HDLBP: variants seen among roughly 807,000 people sequenced by gnomAD.
HDLBP encodes high density lipoprotein binding protein.
In HDLBP, 30 loss-of-function variants were observed where a neutral mutation model predicts 137.3. That is an observed-to-expected ratio of 0.22 (90% CI 0.16 to 0.30). HDLBP has a LOEUF of 0.30. Among genes scored for constraint, HDLBP ranks in the 10% least tolerant of loss-of-function variants. The pLI, the probability that HDLBP is intolerant of heterozygous loss-of-function variation, is 1.00. For missense variants in HDLBP, 1,119 were observed against 1,667.3 expected (o/e 0.67, Z 5.73); for synonymous variants, 606 against 596.0 (o/e 1.02, Z -0.24).
At position 241,230,119 on chromosome 2, in the gene HDLBP, G is replaced by A. The variant is rs375687289; in HGVS notation, c.3591+34C>T. The stretch of plus-strand genomic sequence containing the variant: ...GCCTCAGGCCGGTGGACGTGCCAGG[G>A]CGCCTCAGGGCTCCAAGGCCCACAG... On this transcript the variant is annotated intron_variant, in intron 26 of 27. Coordinates refer to ENST00000310931, the MANE Select transcript of HDLBP (RefSeq NM_005336.6). The surrounding 1 kb of genome is among the most constrained non-coding windows in gnomAD (Gnocchi z 5.0). 4 of 1,591,984 alleles carry A rather than the reference G, an allele frequency of 2.5e-6. No homozygotes were observed. Among genetic ancestry groups the A allele is most frequent in the African/African-American group, 1.3e-5 (1 of 74,470 alleles).
intron 1 of HDLBP, among the ~76,000 whole-genome samples, chr2:241,306,010 T>C (rs1211218972): frequency 6.6e-6 from 1 of 152,104 alleles, no homozygotes; most frequent in African/African-American, 2.4e-5. Context: ...TCCACCCACC[T>C]CAGCCTCCCA....
rs1427700734 is a variant in HDLBP, at chr2:241,272,950, C to G, written c.-102-4409G>C. The G allele has an allele frequency of 1.1e-6, 1 of 911,730 alleles. No homozygotes were observed. The highest frequency in any genetic ancestry group is 1.3e-6 in the Non-Finnish European group (1 of 762,460). 56.5% of individuals were successfully genotyped at this position (911,730 alleles called of 1,614,324 possible). A position where few individuals can be genotyped will look rare whatever the true frequency, so the allele number is the denominator to read the frequency against. On this transcript the variant is annotated intron_variant, in intron 1 of 27. Transcript: ENST00000310931. The surrounding 1 kb of genome is among the most constrained non-coding windows in gnomAD (Gnocchi z 5.6). The stretch of plus-strand genomic sequence containing the variant: ...CCGCCGCCCCGGGCCGCCCAGCACC[C>G]GGGAGGCCCACCCAACTGCAGGCGT...
chr2:241,285,212 T>C (rs974663450), intron 1 of HDLBP, among the ~76,000 whole-genome samples: 2 of 152,212 alleles, frequency 1.3e-5, no homozygotes, highest in East Asian at 3.8e-4. Flanking sequence ...GTATATACCA[T>C]TGTTTTTCTA....
At chr2:241,306,187 T>C (rs1279815863) in intron 1 of HDLBP, among the ~76,000 whole-genome samples, 3 of 151,828 alleles carry the variant, frequency 2.0e-5, no homozygotes, top group African/African-American at 7.3e-5. Context: ...ACTGAATTTC[T>C]GATAAACTGA....
intron 1 of HDLBP, among the ~76,000 whole-genome samples, chr2:241,307,666 T>A (rs1209803569): frequency 6.6e-6 from 1 of 152,236 alleles, no homozygotes; most frequent in Non-Finnish European, 1.5e-5. Flanking sequence ...TTAATTATAC[T>A]TTAATTATAA....
rs1422723928 is a variant in HDLBP at position 241,227,294 on chromosome 2, G to C, written c.*2307C>G. On this transcript the variant is annotated 3_prime_UTR_variant, in exon 28 of 28. Coordinates refer to ENST00000310931, the MANE Select transcript of HDLBP (RefSeq NM_005336.6). ...AAATGAGTCCCAGCATGCTACATCT[G>C]GTTTCGGGTTTTATTTTAGAATTTA... The C allele has an allele frequency of 6.6e-6, 1 of 152,502 alleles. No homozygotes were observed. The highest frequency in any genetic ancestry group is 2.4e-5 in the African/African-American group (1 of 41,450). 9.4% of individuals were successfully genotyped at this position (152,502 alleles called of 1,614,324 possible). A position where few individuals can be genotyped will look rare whatever the true frequency, so the allele number is the denominator to read the frequency against.
chr2:241,273,735 CAGCCT>C (rs1333377948), intron 1 of HDLBP: 55 of 897,366 alleles, frequency 6.1e-5, no homozygotes, highest in Non-Finnish European at 1.2e-5. Flanking sequence ...GGGGCACACC[CAGCCT>C]TACCCAGGGA....
chr2:241,280,221 TA>T, intron 1 of HDLBP: 1 of 618,894 alleles, frequency 1.6e-6, no homozygotes, highest in Non-Finnish European at 2.0e-6. Flanking sequence ...ATGTGGCTCA[TA>T]TTACATTTTT....
At chr2:241,266,226 CT>C (rs986490075) in intron 3 of HDLBP, among the ~76,000 whole-genome samples, 6 of 151,950 alleles carry the variant, frequency 3.9e-5, no homozygotes, top group African/African-American at 4.8e-5. Context: ...GGTTCCCCCC[CT>C]TTTTTTTACA....
chr2:241,256,712 G>A lies in HDLBP; in HGVS notation c.545C>T (p.Thr182Ile). The change falls in exon 6 of 28, where the codon ACC becomes ATC. Residue 182 changes from threonine (T) to isoleucine (I), a missense_variant. By Grantham distance (89) the Thr-to-Ile change is moderately conservative. This residue lies in a region of HDLBP where 425 missense variants were observed against 693.9 expected (regional missense o/e 0.61). Transcript: ENST00000310931. The part of the protein sequence containing the change: ...KLQDLELKTA[T>I]KIQIPRPDDP... ...ATCTGGGCGTGGGATCTGGATTTTG[G>A]TTGCAGTTTTTAGCTCCAAGTCTTG... 6.2e-7 allele frequency: 1 copy of A among 1,614,180 alleles called. No homozygotes were observed. Among genetic ancestry groups the A allele is most frequent in the Non-Finnish European group, 8.5e-7 (1 of 1,180,032 alleles).
intron 1 of HDLBP, among the ~76,000 whole-genome samples, chr2:241,294,995 G>A (rs942592492): frequency 2.0e-5 from 3 of 152,050 alleles, no homozygotes; most frequent in South Asian, 2.1e-4. Flanking sequence ...CCAGCTACTC[G>A]GGAGGCTGAG....
intron 3 of HDLBP, 49 bp downstream of exon 3, chr2:241,266,745 G>A (rs1465668541): frequency 8.5e-7 from 1 of 1,180,260 alleles, no homozygotes; most frequent in Non-Finnish European, 1.3e-6. Context: ...GCTTTAGAGG[G>A]AGCAATGCCT....
At chr2:241,309,379 T>C (rs1457715668) in intron 1 of HDLBP, among the ~76,000 whole-genome samples, 1 of 152,190 alleles carries the variant, frequency 6.6e-6, no homozygotes, top group Non-Finnish European at 1.5e-5. Context: ...ACATTTACAC[T>C]ACTTCGTGAA....
At position 241,255,450 on chromosome 2, in the gene HDLBP, T is replaced by C. The variant is rs1417592410; in HGVS notation, c.1004A>G (p.Asp335Gly). ...TGVSVEIPPS[D>G]SISETVILRG... ...AAGTATTACAGTCTCAGAGATGCTG[T>C]CTGAGGGTGGGATCTCAACGGAAAC... Residue 335 changes from aspartate (D) to glycine (G), a missense_variant, in exon 8 of 28, where the codon GAC (aspartate) becomes GGC (glycine). Asp to Gly is a moderately conservative substitution (Grantham distance 94). Around this residue, in one of 4 missense-constraint regions of HDLBP, gnomAD observed 425 missense variants for 693.9 expected, o/e 0.61. Coordinates refer to ENST00000310931, the MANE Select transcript of HDLBP (RefSeq NM_005336.6). 6.2e-7 allele frequency: 1 copy of C among 1,614,094 alleles called. No homozygotes were observed. The highest frequency in any genetic ancestry group is 1.1e-5 in the South Asian group (1 of 91,086).
intron 1 of HDLBP, among the ~76,000 whole-genome samples, chr2:241,302,039 T>G (rs749788172): frequency 7.3e-4 from 109 of 148,448 alleles, no homozygotes; most frequent in Non-Finnish European, 1.3e-3. Context: ...AAGATCAGCT[T>G]GGGCAATATA....
chr2:241,265,651 AG>A (rs1353709134), intron 3 of HDLBP, among the ~76,000 whole-genome samples: 1 of 152,250 alleles, frequency 6.6e-6, no homozygotes, highest in Non-Finnish European at 1.5e-5. Context: ...TCTTGGCAAT[AG>A]CAAGGCCCAG....
chr2:241,312,797 G>A (rs1193798974), intron 1 of HDLBP, among the ~76,000 whole-genome samples: 2 of 152,174 alleles, frequency 1.3e-5, no homozygotes, highest in Non-Finnish European at 2.9e-5. Flanking sequence ...CAGCTGGGAC[G>A]CACTAATGGA....
chr2:241,312,481 T>C (rs1025099090), intron 1 of HDLBP, among the ~76,000 whole-genome samples: 2 of 152,236 alleles, frequency 1.3e-5, no homozygotes, highest in Non-Finnish European at 2.9e-5. Context: ...TTGAACGTTG[T>C]GGTGCTTTTA....
chr2:241,249,781 A>G, intron 12 of HDLBP, 60 bp downstream of exon 12: 1 of 1,507,002 alleles, frequency 6.6e-7, no homozygotes, highest in Non-Finnish European at 8.9e-7. Flanking sequence ...GCTACTCCTT[A>G]GAGGGGGCCA....
Sources: allele counts gnomAD v4.1 joint callset (sites outside exome capture counted in the v4.1 genomes callset), GRCh38; gene constraint gnomAD v4.1.1; regional missense constraint gnomAD v4.1.1; non-coding constraint Gnocchi (gnomAD v3.1); transcripts MANE v1.5; gene names NCBI Gene and HGNC (gene_info 2026-07-23, HGNC 2026-07-21).